The following DYSF variants were observed in gnomAD, a reference collection of about 807,000 sequenced individuals.
DYSF encodes the protein dysferlin.
Under a neutral mutation model 274.9 loss-of-function variants are expected in DYSF, and 212 were observed. The ratio of observed to expected loss-of-function variants is 0.77; its 90% CI spans 0.69 to 0.86. The LOEUF (loss-of-function observed/expected upper bound fraction) is 0.86, where lower values mean the gene tolerates loss of function less well. DYSF is among the 40% of genes least tolerant of loss of function. DYSF has a pLI of 0.00. For missense variants in DYSF, 2,666 were observed against 2,783.2 expected, an observed-to-expected ratio of 0.96 and a Z score of 0.95; for synonymous variants, 1,091 against 1,078.7, an observed-to-expected ratio of 1.01 and a Z score of -0.22.
chr2:71,653,757 A>C (rs1376320053), intron 42 of DYSF, among the ~76,000 whole-genome samples: 1 of 152,044 alleles, frequency 6.6e-6, no homozygotes, highest in African/African-American at 2.4e-5. Context: ...ACATGTATAC[A>C]TATGTAACAG....
intron 22 of DYSF, among the ~76,000 whole-genome samples, 195 bp from the exon 23 acceptor site, chr2:71,561,557 G>A (rs1325670544): frequency 6.6e-6 from 1 of 152,234 alleles, no homozygotes; most frequent in African/African-American, 2.4e-5. Flanking sequence ...ACATGGGTGA[G>A]GAAGGCTTCC....
intron 41 of DYSF, among the ~76,000 whole-genome samples, chr2:71,622,130 G>GTTTT (rs74263952): frequency 2.4e-4 from 23 of 97,020 alleles, no homozygotes; most frequent in African/African-American, 3.1e-4. Context: ...TGATTTCTTT[G>GTTTT]TTTTTTTTTT....
intron 22 of DYSF, among the ~76,000 whole-genome samples, chr2:71,557,438 C>T (rs186979682): frequency 6.6e-6 from 1 of 152,224 alleles, no homozygotes; most frequent in Non-Finnish European, 1.5e-5. Context: ...ATTGGGCGGC[C>T]CCGAGGGTCT....
At chr2:71,527,957 G>A (rs1190679413) in intron 13 of DYSF, among the ~76,000 whole-genome samples, 1 of 152,214 alleles carries the variant, frequency 6.6e-6, no homozygotes, top group African/African-American at 2.4e-5. Flanking sequence ...ATGGGATATT[G>A]TTATAACAAC....
intron 53 of DYSF, among the ~76,000 whole-genome samples, chr2:71,680,010 C>T (rs1323418685): frequency 1.3e-5 from 2 of 152,202 alleles, no homozygotes; most frequent in Non-Finnish European, 2.9e-5. Flanking sequence ...TAGTACTAAA[C>T]CCGTATTATG....
chr2:71,632,377 A>G (rs2094329478), intron 41 of DYSF, among the ~76,000 whole-genome samples: 1 of 152,274 alleles, frequency 6.6e-6, no homozygotes, highest in Non-Finnish European at 1.5e-5. Context: ...TTGTATATGA[A>G]AATGCATACA....
intron 20 of DYSF, 103 bp from the exon 21 acceptor site, chr2:71,553,704 C>T: frequency 8.3e-7 from 1 of 1,204,936 alleles, no homozygotes; most frequent in Non-Finnish European, 1.2e-6. Flanking sequence ...CCCAGCTCTG[C>T]CAGTCCTAGC....
intron 20 of DYSF, 150 bp from the exon 21 acceptor site, chr2:71,553,657 A>G (rs2091120531): frequency 1.2e-5 from 12 of 967,940 alleles, no homozygotes; most frequent in Non-Finnish European, 7.9e-6. Context: ...GGGAAGGGTG[A>G]GCAGGTGCCT....
chr2:71,604,908 T>C (rs552147524), intron 36 of DYSF, among the ~76,000 whole-genome samples: 1 of 152,194 alleles, frequency 6.6e-6, no homozygotes, highest in Non-Finnish European at 1.5e-5. Flanking sequence ...CAGCAGTGTC[T>C]TGGGCTGGGG....
At chr2:71,593,206 C>T (rs1279870176) in intron 32 of DYSF, among the ~76,000 whole-genome samples, 2 of 141,482 alleles carry the variant, frequency 1.4e-5, no homozygotes, top group Non-Finnish European at 3.0e-5. Context: ...TATCTTGGCT[C>T]ACTGCAACCT....
chr2:71,535,083 T>C lies in DYSF; in HGVS notation c.1443T>C (p.Pro481=), dbSNP rs2152761051. 1 of 1,614,104 alleles carries C rather than the reference T, an allele frequency of 6.2e-7. No individual in the cohort carries two copies. Residue 481 remains proline, a synonymous_variant, in exon 15 of 56, where the codon CCT becomes CCC. Coordinates refer to ENST00000410020, the MANE Select transcript of DYSF (RefSeq NM_001130987.2). ...AGTGGAACCAGAACATCACACTGCC[T>C]GCCATGGTGAGCCTCCTGCCCCCAG... The part of the protein sequence containing the change: ...NPQWNQNITL[P]AMFPSMCEKM...
intron 3 of DYSF, among the ~76,000 whole-genome samples, chr2:71,482,974 G>T (rs2083057275): frequency 6.6e-6 from 1 of 152,166 alleles, no homozygotes; most frequent in Non-Finnish European, 1.5e-5. Context: ...TTGCCCTGGG[G>T]TGGGGCAGAA....
intron 41 of DYSF, among the ~76,000 whole-genome samples, 174 bp from the exon 42 acceptor site, chr2:71,643,791 G>T (rs1329628240): frequency 6.6e-6 from 1 of 152,206 alleles, no homozygotes. Flanking sequence ...TCCTCAGTCT[G>T]CAGTCTTTGC....
rs1049817780 is a variant in DYSF at position 71,466,917 on chromosome 2, A to T, written c.75A>T (p.Ala25=). ...AGGACCGGCGCAGCGACCCTGTCGC[A>T]AGCCTGACTTTCCGAGGTGAGAGCC... ...AKKDRRSDPV[A]SLTFRGVKKR... Residue 25 remains alanine, a synonymous_variant, in exon 1 of 56, where the codon GCA becomes GCT. Coordinates refer to ENST00000410020, the MANE Select transcript of DYSF (RefSeq NM_001130987.2). 2.3e-5 allele frequency: 35 copies of T among 1,549,972 alleles called. No homozygotes were observed. Among genetic ancestry groups the T allele is most frequent in the Non-Finnish European group, 3.0e-5 (34 of 1,145,892 alleles).
chr2:71,662,673 G>A (rs562642881), intron 45 of DYSF, among the ~76,000 whole-genome samples: 9 of 149,758 alleles, frequency 6.0e-5, no homozygotes, highest in Admixed American at 3.3e-4. Context: ...CCATGTGTCC[G>A]TGTATGTGTG....
chr2:71,532,192 A>T (rs1011615144), intron 14 of DYSF, among the ~76,000 whole-genome samples: 1 of 152,140 alleles, frequency 6.6e-6, no homozygotes, highest in Admixed American at 6.5e-5. Flanking sequence ...TATTTTTTGG[A>T]CATATATAAT....
In DYSF at chr2:71,542,174, T is replaced by C. The variant is rs887839451; in HGVS notation, c.1576+2935T>C. Among the ~76,000 whole-genome samples, 7 of 152,302 alleles carry C rather than the reference T, an allele frequency of 4.6e-5. No homozygotes were observed. In the East Asian group the frequency reaches 1.2e-3, roughly 25 times the overall value. ...ACAAGTCCCAACCCTCATGAGGCGG[T>C]TGTAAAAATCATGAGGTTATAAAAG... On this transcript the variant is annotated intron_variant, in intron 17 of 55. Coordinates refer to ENST00000410020, the MANE Select transcript of DYSF (RefSeq NM_001130987.2).
At chr2:71,618,678 GGGATGTGAGTGTGTGTGC>G (rs1382056912) in intron 40 of DYSF, among the ~76,000 whole-genome samples, 35 of 54,176 alleles carry the variant, frequency 6.5e-4, no homozygotes, top group Non-Finnish European at 1.4e-3. Flanking sequence ...GTGTGGTAGA[GGGATGTGAGTGTGTGTGC>G]GTGGTAGAGA....
At chr2:71,478,429 T>C (rs1255696606) in intron 1 of DYSF, among the ~76,000 whole-genome samples, 1 of 151,944 alleles carries the variant, frequency 6.6e-6, no homozygotes, top group African/African-American at 2.4e-5. Context: ...GCCAGGATGG[T>C]CTCAATCTCC....
Sources: gnomAD v4.1 joint callset for allele counts (sites outside exome capture counted in the v4.1 genomes callset) on GRCh38, gnomAD v4.1.1 for gene constraint, MANE v1.5 for transcripts, NCBI Gene and HGNC (gene_info 2026-07-23, HGNC 2026-07-21) for gene names.